Variants in SASH1 observed in about 807,000 individuals in gnomAD.
SASH1 encodes the protein SAM and SH3 domain-containing protein 1.
Under a neutral mutation model 125.2 loss-of-function variants are expected in SASH1, and 44 were observed. The ratio of observed to expected loss-of-function variants is 0.35; its 90% CI spans 0.28 to 0.45. SASH1 has a LOEUF of 0.45. Among genes scored for constraint, SASH1 ranks in the 20% least tolerant of loss-of-function variants. The pLI is 1.00. For synonymous variants in SASH1, 639 were observed against 649.1 expected, an observed-to-expected ratio of 0.98 and a Z score of 0.24; for missense variants, 1,426 against 1,614.5, an observed-to-expected ratio of 0.88 and a Z score of 2.00.
chr6:148,327,952 A>G (rs539449160), intron 1 of SASH1, among the ~76,000 whole-genome samples: 30 of 140,888 alleles, frequency 2.1e-4, no homozygotes, highest in African/African-American at 6.9e-4. Flanking sequence ...AAAAAAAAAA[A>G]AAAAGAAAAA....
In SASH1 at chr6:148,352,588, C is replaced by G. The variant is rs186767518; in HGVS notation, c.156+9365C>G. Among the ~76,000 whole-genome samples, 1,218 of 143,532 alleles carry G rather than the reference C, an allele frequency of 8.5e-3. 11 individuals are homozygous for G. The highest frequency in any genetic ancestry group is 0.014 in the Non-Finnish European group (930 of 66,630). 94.2% of individuals were successfully genotyped at this position (143,532 alleles called of 152,430 possible). On this transcript the variant is annotated intron_variant, in intron 1 of 19. Transcript: ENST00000367467. The stretch of plus-strand genomic sequence containing the variant: ...CTCCAGCCTGGGAGACAGAGTGAGA[C>G]TCCTTCTTATAAATAAATAAATAAA...
intron 1 of SASH1, among the ~76,000 whole-genome samples, chr6:148,307,165 C>A (rs1323014929): frequency 1.3e-5 from 2 of 151,644 alleles, no homozygotes; most frequent in African/African-American, 4.8e-5. Flanking sequence ...GTCATCCAGG[C>A]TGGAGTGCAG....
At chr6:148,244,361 C>T in the SASH1 span, among the ~76,000 whole-genome samples, 3 of 152,226 alleles carry the variant, frequency 2.0e-5, no homozygotes, top group South Asian at 4.1e-4. Context: ...CAGAGGAGAC[C>T]GGCTTTATTC....
the SASH1 span, among the ~76,000 whole-genome samples, chr6:148,236,409 A>T: frequency 6.6e-6 from 1 of 152,044 alleles, no homozygotes; most frequent in African/African-American, 2.4e-5. Flanking sequence ...ACAGGGTTTC[A>T]CCATGTTGGC....
chr6:148,330,884 C>A (rs966320285), intron 1 of SASH1, among the ~76,000 whole-genome samples: 4 of 152,144 alleles, frequency 2.6e-5, no homozygotes, highest in Non-Finnish European at 5.9e-5. Context: ...CCGTGCCTGG[C>A]CCCTTTTTTA....
intron 9 of SASH1, among the ~76,000 whole-genome samples, chr6:148,516,479 C>T (rs532117789): frequency 6.0e-5 from 8 of 134,072 alleles, no homozygotes; most frequent in African/African-American, 1.1e-4. Context: ...AGGATTCATA[C>T]GCCAGTAGGC....
At chr6:148,194,661 A>G in the SASH1 span, among the ~76,000 whole-genome samples, 1 of 152,214 alleles carries the variant, frequency 6.6e-6, no homozygotes, top group African/African-American at 2.4e-5. Context: ...TAATCCCAGC[A>G]CTTTGGGAGG....
intron 1 of SASH1, among the ~76,000 whole-genome samples, chr6:148,337,551 G>A (rs1002033353): frequency 4.6e-5 from 7 of 151,748 alleles, no homozygotes; most frequent in Non-Finnish European, 8.8e-5. Context: ...TTATAGAGAC[G>A]AGGTTTCACC....
the SASH1 span, among the ~76,000 whole-genome samples, chr6:148,262,986 C>T: frequency 1.3e-5 from 2 of 152,142 alleles, no homozygotes; most frequent in Admixed American, 6.6e-5. Flanking sequence ...AGAAAAAACA[C>T]CATAATGTTA....
chr6:148,290,675 G>A (rs541368198), intron 1 of SASH1, among the ~76,000 whole-genome samples: 4 of 151,498 alleles, frequency 2.6e-5, no homozygotes, highest in Admixed American at 6.6e-5. Context: ...CAGCATACTC[G>A]TTAAGAGTCA....
the SASH1 span, among the ~76,000 whole-genome samples, chr6:148,239,651 C>CA: frequency 2.0e-5 from 3 of 151,456 alleles, no homozygotes; most frequent in African/African-American, 7.3e-5. Context: ...GTTCTTTCAT[C>CA]TGTAAAAGTA....
intron 1 of SASH1, among the ~76,000 whole-genome samples, chr6:148,343,991 CTTTAG>C (rs748379975): frequency 1.3e-4 from 20 of 152,262 alleles, no homozygotes; most frequent in African/African-American, 4.3e-4. Flanking sequence ...TAAAAGACAA[CTTTAG>C]TTTAAAGACT....
the SASH1 span, among the ~76,000 whole-genome samples, chr6:148,255,953 A>C: frequency 2.6e-5 from 4 of 152,218 alleles, no homozygotes; most frequent in East Asian, 7.7e-4. Context: ...AAGCTTTTCA[A>C]GTAGATAAGA....
rs148440042 is a variant in SASH1, at chr6:148,514,359, G to C, written c.765G>C (p.Ser255=). Residue 255 remains serine (S), a synonymous_variant, in exon 9 of 20, where the codon TCG becomes TCC. Coordinates refer to ENST00000367467, the MANE Select transcript of SASH1 (RefSeq NM_015278.5). ...REQSDDETEE[S]VKFKRLHKLV... ...AATCGGATGATGAGACTGAGGAGTC[G>C]GTGAAGTTTAAGAGGTTACACAAGC... The C allele has an allele frequency of 1.2e-6, 2 of 1,605,946 alleles. No homozygotes were observed. Among genetic ancestry groups the C allele is most frequent in the African/African-American group, 1.4e-5 (1 of 74,040 alleles).
At chr6:148,368,777 C>CACACACACACACACACACACACAT (rs779992595) in intron 1 of SASH1, among the ~76,000 whole-genome samples, 4,379 of 151,444 alleles carry the variant, frequency 0.029, 121 homozygotes, top group South Asian at 0.12. Context: ...CGCGCACACA[C>CACACACACACACACACACACACAT]ACACACACAC....
intron 19 of SASH1, among the ~76,000 whole-genome samples, 184 bp downstream of exon 19, chr6:148,546,330 A>AC (rs1782567909): frequency 6.6e-6 from 1 of 152,228 alleles, no homozygotes; most frequent in African/African-American, 2.4e-5. Context: ...AAGAAAAAAA[A>AC]AATGAAAATT....
At chr6:148,233,740 T>TAAAAAAAAAAAAAAAAAAAAAAAAAA in the SASH1 span, among the ~76,000 whole-genome samples, 1 of 11,698 alleles carries the variant, frequency 8.5e-5, no homozygotes, top group Non-Finnish European at 1.3e-4. Flanking sequence ...GCTTCCTCTC[T>TAAAAAAAAAAAAAAAAAAAAAAAAAA]ACAAAAAAAA....
At chr6:148,471,563 AT>A in intron 6 of SASH1, 60 bp downstream of exon 6, 1 of 1,008,216 alleles carries the variant, frequency 9.9e-7, no homozygotes, top group Non-Finnish European at 1.6e-6. Flanking sequence ...GAAGAATCCT[AT>A]GCGGCTAATC....
the SASH1 span, among the ~76,000 whole-genome samples, chr6:148,240,722 G>C: frequency 8.0e-4 from 122 of 152,266 alleles, no homozygotes; most frequent in African/African-American, 2.8e-3. Context: ...GGAGCTGAAG[G>C]CTTTTCAACA....
Sources: allele counts gnomAD v4.1 joint callset (sites outside exome capture counted in the v4.1 genomes callset), GRCh38; gene constraint gnomAD v4.1.1; transcripts MANE v1.5; gene names NCBI Gene and HGNC (gene_info 2026-07-23, HGNC 2026-07-21).